MACROD1: variants seen among roughly 807,000 people sequenced by gnomAD.
MACROD1 encodes mono-ADP ribosylhydrolase 1.
Under a neutral mutation model 41.4 loss-of-function variants are expected in MACROD1, and 31 were observed. The observed-to-expected ratio is 0.75, with a 90% CI of 0.56 to 1.01. The LOEUF is 1.01. Among genes scored for constraint, MACROD1 ranks in the 50% least tolerant of loss-of-function variants. The probability of loss-of-function intolerance (pLI) is 0.00; values close to 1 mark genes in which losing one functional copy is unlikely to be tolerated. For missense variants in MACROD1, 473 were observed against 460.0 expected, an observed-to-expected ratio of 1.03 and a Z score of -0.26; for synonymous variants, 252 against 203.4, an observed-to-expected ratio of 1.24 and a Z score of -2.03.
chr11:64,137,033 C>CA (rs1164657008), intron 3 of MACROD1, among the ~76,000 whole-genome samples: 2 of 152,240 alleles, frequency 1.3e-5, no homozygotes, highest in Non-Finnish European at 2.9e-5. Context: ...GACGAATCTC[C>CA]AGGCCGCTTT....
intron 3 of MACROD1, among the ~76,000 whole-genome samples, chr11:64,142,724 A>C (rs1945431066): frequency 6.6e-6 from 1 of 152,110 alleles, no homozygotes; most frequent in East Asian, 1.9e-4. Context: ...CGGGCTTTCT[A>C]ATGTGGGGAG....
intron 3 of MACROD1, among the ~76,000 whole-genome samples, chr11:64,045,531 C>G (rs1280260295): frequency 6.6e-6 from 1 of 152,286 alleles, no homozygotes; most frequent in Admixed American, 6.5e-5. Context: ...CTATCCCAGC[C>G]TCTGGGTCAC....
chr11:64,021,987 G>A (rs1489561749), intron 3 of MACROD1, among the ~76,000 whole-genome samples: 1 of 138,326 alleles, frequency 7.2e-6, no homozygotes, highest in African/African-American at 2.7e-5. Context: ...CTGGAGGGGT[G>A]GGTGGGGCCT....
At position 64,122,405 on chromosome 11, in the gene MACROD1, G is replaced by A. The variant is rs1008462205; in HGVS notation, c.517+28834C>T. Among the ~76,000 whole-genome samples the A allele has an allele frequency of 1.4e-4, 21 of 152,192 alleles. No homozygotes were observed. Among genetic ancestry groups the A allele is most frequent in the African/African-American group, 5.1e-4 (21 of 41,452 alleles). ...GGAGGGGACAGCACCTGGGAAGATG[G>A]CAGCAGCTAGGAGGGGCCCAACCTG... On this transcript the variant is annotated intron_variant, in intron 3 of 10. Transcript: ENST00000255681. This position sits in a 1 kb window ranked among gnomAD's most constrained non-coding sequence, Gnocchi z 4.0.
intron 3 of MACROD1, among the ~76,000 whole-genome samples, chr11:64,077,663 A>AC (rs1271801791): frequency 2.6e-5 from 4 of 151,890 alleles, no homozygotes; most frequent in Non-Finnish European, 1.5e-5. Context: ...ATGCTGGCAC[A>AC]CCCCCACCTG....
At chr11:64,022,623 G>C (rs1438187001) in intron 3 of MACROD1, among the ~76,000 whole-genome samples, 1 of 152,178 alleles carries the variant, frequency 6.6e-6, no homozygotes, top group Non-Finnish European at 1.5e-5. Context: ...GAAATGTGCT[G>C]GATTTTGAAG....
chr11:64,060,853 C>T (rs554914364), intron 3 of MACROD1, among the ~76,000 whole-genome samples: 29 of 152,278 alleles, frequency 1.9e-4, no homozygotes, highest in African/African-American at 6.5e-4. Context: ...CGGGTGTGAA[C>T]GGGGCCAAAG....
At chr11:64,117,853 C>G (rs931759458) in intron 3 of MACROD1, 2 of 1,614,062 alleles carry the variant, frequency 1.2e-6, no homozygotes, top group East Asian at 2.2e-5. Context: ...AAGGCAGAGA[C>G]AGCCGACAGC....
At chr11:64,115,147 C>A (rs1489013745) in intron 3 of MACROD1, among the ~76,000 whole-genome samples, 5 of 152,192 alleles carry the variant, frequency 3.3e-5, no homozygotes, top group Admixed American at 6.5e-5. Context: ...TGTTTTACAG[C>A]AGACTTTTGC....
chr11:63,999,352 C>G lies in MACROD1; in HGVS notation c.870G>C (p.Trp290Cys). The G allele has an allele frequency of 1.3e-6, 2 of 1,588,572 alleles. No individual in the cohort carries two copies. The highest frequency in any genetic ancestry group is 1.7e-6 in the Non-Finnish European group (2 of 1,172,876). ...TCACCTTGTCCTTGTGCTGCTCCAG[C>G]CACTCTCGCAGCGTGGCCAGCACGA... is the stretch of plus-strand genomic sequence containing the variant. ...AEIVLATLRE[W>C]LEQHKDKVDR... Residue 290 changes from tryptophan (W) to cysteine (C), a missense_variant, in exon 8 of 11, where the codon TGG (tryptophan) becomes TGC (cysteine). Coordinates refer to ENST00000255681, the MANE Select transcript of MACROD1 (RefSeq NM_014067.4).
intron 3 of MACROD1, among the ~76,000 whole-genome samples, chr11:64,111,069 C>T (rs1321987629): frequency 6.6e-6 from 1 of 152,252 alleles, no homozygotes; most frequent in Admixed American, 6.5e-5. Context: ...CATCAAGCAT[C>T]TCTGAAAGGT....
intron 3 of MACROD1, among the ~76,000 whole-genome samples, chr11:64,041,226 A>AAAAAAAAAAAAAAAAAAC (rs1943480162): frequency 6.6e-6 from 1 of 150,438 alleles, no homozygotes; most frequent in African/African-American, 2.4e-5. Context: ...AAAAAAAAAA[A>AAAAAAAAAAAAAAAAAAC]AAAGCATGAG....
intron 3 of MACROD1, chr11:64,116,181 G>A (rs563109387): frequency 4.1e-5 from 62 of 1,508,550 alleles, no homozygotes; most frequent in African/African-American, 2.3e-4. Context: ...CGCTGTCGCC[G>A]CCTCCCTCTC....
At position 64,080,978 on chromosome 11, in the gene MACROD1, G is replaced by T. The variant is rs1944292451; in HGVS notation, c.518-65697C>A. On this transcript the variant is annotated intron_variant, in intron 3 of 10. Transcript: ENST00000255681. ...GAATTATGTGACATTGTTGAAGTCT[G>T]TTTAATGAGGGGACATTCTGCCATC... 3.9e-5 allele frequency among the ~76,000 whole-genome samples: 6 copies of T among 152,186 alleles called. No individual in the cohort carries two copies. The South Asian group carries it at 1.2e-3, about 31-fold the overall frequency.
intron 3 of MACROD1, among the ~76,000 whole-genome samples, chr11:64,111,380 G>A (rs919241793): frequency 1.2e-4 from 18 of 152,234 alleles, no homozygotes; most frequent in African/African-American, 4.1e-4. Context: ...CCTGGAGACT[G>A]AGGCAAAGTG....
chr11:64,150,970 G>A (rs1348802573), intron 3 of MACROD1, among the ~76,000 whole-genome samples: 2 of 152,204 alleles, frequency 1.3e-5, no homozygotes, highest in Non-Finnish European at 2.9e-5. Flanking sequence ...TCCTGGCAGG[G>A]CAGCCCAGTT....
chr11:64,015,132 A>G, intron 4 of MACROD1, 120 bp downstream of exon 4: 1 of 1,099,980 alleles, frequency 9.1e-7, no homozygotes. Context: ...GCACCCTGTG[A>G]GGACAGTGGG....
At chr11:64,011,068 G>T (rs2134335684) in intron 4 of MACROD1, among the ~76,000 whole-genome samples, 1 of 150,018 alleles carries the variant, frequency 6.7e-6, no homozygotes, top group East Asian at 2.0e-4. Context: ...ATGTTGGTTG[G>T]GGTGTTGAAG....
chr11:64,025,605 C>T (rs1943213786), intron 3 of MACROD1, among the ~76,000 whole-genome samples: 1 of 152,120 alleles, frequency 6.6e-6, no homozygotes, highest in African/African-American at 2.4e-5. Context: ...AAGATAGGTT[C>T]TGTGTCTTTG....
Sources: gnomAD v4.1 joint callset for allele counts (sites outside exome capture counted in the v4.1 genomes callset) on GRCh38, gnomAD v4.1.1 for gene constraint, Gnocchi (gnomAD v3.1) non-coding constraint, MANE v1.5 for transcripts, NCBI Gene and HGNC (gene_info 2026-07-23, HGNC 2026-07-21) for gene names.